The following SMAP2 variants were observed in gnomAD, a reference collection of about 807,000 sequenced individuals.
SMAP2 encodes small ArfGAP2, also known as stromal membrane-associated protein 2.
Under a neutral mutation model 56.4 loss-of-function variants are expected in SMAP2, and 25 were observed. That is an observed-to-expected ratio of 0.44 (90% CI 0.32 to 0.62). The LOEUF is 0.62. Among genes scored for constraint, SMAP2 ranks in the 20% least tolerant of loss-of-function variants. The probability of loss-of-function intolerance (pLI) is 0.04; values close to 1 mark genes in which losing one functional copy is unlikely to be tolerated. For missense variants in SMAP2, 388 were observed against 545.6 expected, an observed-to-expected ratio of 0.71 and a Z score of 2.88; for synonymous variants, 157 against 181.7, an observed-to-expected ratio of 0.86 and a Z score of 1.09.
At chr1:40,362,272 C>G (rs1644463356) in intron 1 of SMAP2, 1 of 152,222 alleles carries the variant, frequency 6.6e-6, no homozygotes, top group Admixed American at 6.5e-5. Context: ...TCCCACTGTT[C>G]TTCCCATTGG....
chr1:40,408,709 T>C lies in SMAP2; in HGVS notation c.294T>C (p.Pro98=), dbSNP rs1644908255. The change falls in exon 3 of 10, where the codon CCT becomes CCC. Residue 98 remains proline (P), a synonymous_variant. Coordinates refer to ENST00000372718, the MANE Select transcript of SMAP2 (RefSeq NM_022733.3). This position sits in a 1 kb window ranked among gnomAD's most constrained non-coding sequence, Gnocchi z 4.3. ...ACCGACTTTATGAAGCCTATCTTCC[T>C]GAGACCTTTCGGCGACCTCAGATAG... ...KANRLYEAYL[P]ETFRRPQIDP... 1 of 1,613,996 alleles carries C rather than the reference T, an allele frequency of 6.2e-7. No individual in the cohort carries two copies. The highest frequency in any genetic ancestry group is 8.5e-7 in the Non-Finnish European group (1 of 1,179,866).
chr1:40,414,221 C>G lies in SMAP2; in HGVS notation c.552C>G (p.Val184=), dbSNP rs776583320. The G allele has an allele frequency of 6.2e-7, 1 of 1,614,174 alleles. No individual in the cohort carries two copies. Among genetic ancestry groups the G allele is most frequent in the Non-Finnish European group, 8.5e-7 (1 of 1,180,010 alleles). The stretch of plus-strand genomic sequence containing the variant: ...GCTCCCCGAAATCCACAGCGCCTGT[C>G]ATGGATTTGTTGGGCCTTGGTAAGA... ...RKSSPKSTAP[V]MDLLGLDAPV... is the part of the protein sequence containing the mutation. Residue 184 remains valine, a synonymous_variant, in exon 6 of 10, where the codon GTC becomes GTG. Transcript: ENST00000372718.
At position 40,416,941 on chromosome 1, in the gene SMAP2, G is replaced by A. The variant is rs780639767; in HGVS notation, c.1009G>A (p.Ala337Thr). The A allele has an allele frequency of 4.3e-6, 7 of 1,614,224 alleles. No homozygotes were observed. Among genetic ancestry groups the A allele is most frequent in the Non-Finnish European group, 5.9e-6 (7 of 1,180,036 alleles). The part of the protein sequence containing the change: ...SGMVAPMAMP[A>T]GYMGGMQASM... ...GATGGTTGCCCCCATGGCCATGCCT[G>A]CAGGCTATATGGGTGGCATGCAGGC... Residue 337 changes from alanine to threonine, a missense_variant, in exon 9 of 10, where the codon GCA becomes ACA. By Grantham distance (58) the Ala-to-Thr change is moderately conservative (BLOSUM62 0). Coordinates refer to ENST00000372718, the MANE Select transcript of SMAP2 (RefSeq NM_022733.3).
chr1:40,416,028 A>C, intron 7 of SMAP2, 148 bp from the exon 8 acceptor site: 1 of 733,630 alleles, frequency 1.4e-6, no homozygotes, highest in Non-Finnish European at 2.3e-6. Context: ...GTGTTCAGAT[A>C]GTTGAATGGT....
chr1:40,419,216 A>G (rs1416541013), intron 9 of SMAP2, among the ~76,000 whole-genome samples: 1 of 152,088 alleles, frequency 6.6e-6, no homozygotes, highest in African/African-American at 2.4e-5. Flanking sequence ...AAGTATTACT[A>G]TGAAGGTAAT....
rs1178654693 is a variant in SMAP2 at position 40,415,260 on chromosome 1, C to T, written c.572-12C>T. ...AGCAGTGCTGCATCTTAACTTCGAT[C>T]TCTCTTTCTAGATGCTCCTGTGGCC... On this transcript the variant is annotated splice_polypyrimidine_tract_variant and intron_variant, in intron 6 of 9. Coordinates refer to ENST00000372718, the MANE Select transcript of SMAP2 (RefSeq NM_022733.3). The T allele has an allele frequency of 1.3e-6, 2 of 1,598,338 alleles. No individual in the cohort carries two copies. Among genetic ancestry groups the T allele is most frequent in the Admixed American group, 3.3e-5 (2 of 59,902 alleles).
chr1:40,398,043 C>A (rs1272088367), intron 1 of SMAP2, among the ~76,000 whole-genome samples: 2 of 152,074 alleles, frequency 1.3e-5, no homozygotes, highest in African/African-American at 4.8e-5. Flanking sequence ...TGGATGCTTA[C>A]GTTGTTTTGT....
At chr1:40,345,873 GTATTA>G (rs917176768) in intron 1 of SMAP2, among the ~76,000 whole-genome samples, 5 of 102,304 alleles carry the variant, frequency 4.9e-5, no homozygotes, top group Non-Finnish European at 5.5e-5. Flanking sequence ...ATATTATATT[GTATTA>G]TATTGTATTG....
At chr1:40,351,758 T>G (rs1267937075) in intron 1 of SMAP2, among the ~76,000 whole-genome samples, 1 of 152,160 alleles carries the variant, frequency 6.6e-6, no homozygotes, top group Non-Finnish European at 1.5e-5. Flanking sequence ...CACCTTGGCC[T>G]CTCAAATTGC....
intron 1 of SMAP2, among the ~76,000 whole-genome samples, chr1:40,376,229 G>C (rs1488335288): frequency 1.3e-5 from 2 of 152,166 alleles, no homozygotes; most frequent in East Asian, 3.8e-4. Flanking sequence ...GGGATTACAG[G>C]TGTGAGCCAC....
intron 1 of SMAP2, among the ~76,000 whole-genome samples, chr1:40,348,834 A>G (rs1569811767): frequency 6.6e-6 from 1 of 152,044 alleles, no homozygotes; most frequent in East Asian, 1.9e-4. Flanking sequence ...ATAGAGGTGC[A>G]ATCTCTGCTC....
chr1:40,381,638 G>C (rs1033434772), intron 1 of SMAP2, among the ~76,000 whole-genome samples: 2 of 152,102 alleles, frequency 1.3e-5, no homozygotes, highest in African/African-American at 4.8e-5. Context: ...TCAGGATACT[G>C]TAAGGTTAAA....
rs1644964324 is a variant in SMAP2 at position 40,414,179 on chromosome 1, A to G, written c.510A>G (p.Pro170=). ...KVKMPQKKED[P]QLPRKSSPKS... is the part of the protein sequence containing the mutation. ...CTTAGCCACAGAAAAAAGAAGACCC[A>G]CAGCTACCTCGGAAAAGCTCCCCGA... The change falls in exon 6 of 10, where the codon CCA becomes CCG. Residue 170 remains proline (P), a synonymous_variant. Transcript: ENST00000372718. The G allele has an allele frequency of 1.9e-6, 3 of 1,614,062 alleles. No individual in the cohort carries two copies. The African/African-American group carries it at 4.0e-5, about 22-fold the overall frequency.
intron 5 of SMAP2, among the ~76,000 whole-genome samples, chr1:40,413,432 T>A (rs1337157020): frequency 1.3e-5 from 2 of 152,224 alleles, no homozygotes; most frequent in Non-Finnish European, 2.9e-5. Context: ...AGTCCTTCTC[T>A]TGTTAGACCT....
Position 40,408,849 on chromosome 1 carries a change from C to T in SMAP2, c.323+111C>T, listed in dbSNP as rs190090314. 44 of 811,234 alleles carry T rather than the reference C, an allele frequency of 5.4e-5. No individual in the cohort carries two copies. The East Asian group carries it at 1.1e-3, about 20-fold the overall frequency. The allele number at this position is 811,234 out of a possible 1,614,324, so 50.3% of individuals were successfully genotyped here. A position where few individuals can be genotyped will look rare whatever the true frequency, so the allele number is the denominator to read the frequency against. On this transcript the variant is annotated intron_variant, in intron 3 of 9. Transcript: ENST00000372718. The surrounding 1 kb of genome is among the most constrained non-coding windows in gnomAD (Gnocchi z 4.3). ...CTGGGTCATCTCTATGTGGATTAGT[C>T]AGTGTCCTTGCTTGTCCTCTGTCCT... is the stretch of plus-strand genomic sequence containing the variant.
intron 1 of SMAP2, among the ~76,000 whole-genome samples, chr1:40,346,558 T>C (rs1371535452): frequency 6.6e-6 from 1 of 151,908 alleles, no homozygotes; most frequent in Non-Finnish European, 1.5e-5. Context: ...TTTGTAGCCA[T>C]GGGGTCTTGC....
chr1:40,397,051 A>G (rs1213012548), intron 1 of SMAP2, among the ~76,000 whole-genome samples: 1 of 152,194 alleles, frequency 6.6e-6, no homozygotes, highest in Non-Finnish European at 1.5e-5. Flanking sequence ...TGTATGTTGC[A>G]TTTAACCAGT....
At chr1:40,345,389 GA>G (rs1218776293) in intron 1 of SMAP2, among the ~76,000 whole-genome samples, 11,704 of 139,018 alleles carry the variant, frequency 0.084, 1,518 homozygotes, top group African/African-American at 0.28. Context: ...TGTCTCTAAG[GA>G]AAAAAAAAAA....
chr1:40,415,511 C>T (rs147837236), intron 7 of SMAP2, 130 bp downstream of exon 7: 2 of 704,320 alleles, frequency 2.8e-6, no homozygotes, highest in East Asian at 2.5e-5. Context: ...TCATTCTTCC[C>T]TTAACATTGT....
Sources: gnomAD v4.1 joint callset for allele counts (sites outside exome capture counted in the v4.1 genomes callset) on GRCh38, gnomAD v4.1.1 for gene constraint, Gnocchi (gnomAD v3.1) non-coding constraint, MANE v1.5 for transcripts, NCBI Gene and HGNC (gene_info 2026-07-23, HGNC 2026-07-21) for gene names.